Variants in NUFIP2 observed in about 807,000 individuals in gnomAD.
The protein encoded by NUFIP2 is FMR1-interacting protein NUFIP2.
A neutral mutation model predicts 56.9 loss-of-function variants in NUFIP2; 6 were observed. The observed-to-expected ratio is 0.11, with a 90% CI of 0.06 to 0.21. The LOEUF is 0.21. NUFIP2 is among the 10% of genes least tolerant of loss of function. NUFIP2 has a pLI of 1.00. For synonymous variants in NUFIP2, 321 were observed against 298.2 expected, an observed-to-expected ratio of 1.08 and a Z score of -0.79; for missense variants, 828 against 826.8, an observed-to-expected ratio of 1.00 and a Z score of -0.02.
Position 29,287,050 on chromosome 17 carries a change from A to C in NUFIP2, c.944T>G (p.Phe315Cys). 1.2e-6 allele frequency: 2 copies of C among 1,614,132 alleles called. No homozygotes were observed. Among genetic ancestry groups the C allele is most frequent in the Non-Finnish European group, 1.7e-6 (2 of 1,180,034 alleles). Reference sequence around the variant, plus strand: ...ATGCTTTCCTTTGGGCCGATCATCAAACTTTTTGCTGCTCACACCAGGTTT... The same window carrying C: ...ATGCTTTCCTTTGGGCCGATCATCACACTTTTTGCTGCTCACACCAGGTTT... The part of the protein sequence containing the change: ...DSKPGVSSKK[F>C]DDRPKGKHAS... Residue 315 changes from phenylalanine to cysteine, a missense_variant, in exon 2 of 4, where the codon TTT becomes TGT. Physicochemically the swap from Phe to Cys is radical, Grantham distance 205. This residue lies in a region of NUFIP2 where 415 missense variants were observed against 408.7 expected (regional missense o/e 1.02). Coordinates refer to ENST00000225388, the MANE Select transcript of NUFIP2 (RefSeq NM_020772.3).
chr17:29,262,195 C>T lies in NUFIP2; in HGVS notation c.*2344G>A, dbSNP rs890942244. The T allele has an allele frequency of 8.5e-5, 13 of 152,248 alleles. No homozygotes were observed. The highest frequency in any genetic ancestry group is 3.9e-4 in the Admixed American group (6 of 15,240). 9.4% of individuals were successfully genotyped at this position (152,248 alleles called of 1,614,324 possible). A position where few individuals can be genotyped will look rare whatever the true frequency, so the allele number is the denominator to read the frequency against. On this transcript the variant is annotated 3_prime_UTR_variant, in exon 4 of 4. Coordinates refer to ENST00000225388, the MANE Select transcript of NUFIP2 (RefSeq NM_020772.3). ...AGAAAGTTTCTTGTGAGTTGTGAGA[C>T]GGAAGAACTTTAAAATTCCAGGCAA... is the stretch of plus-strand genomic sequence containing the variant.
At chr17:29,279,863 G>A (rs1567679287) in intron 2 of NUFIP2, among the ~76,000 whole-genome samples, 1 of 152,084 alleles carries the variant, frequency 6.6e-6, no homozygotes, top group Admixed American at 6.6e-5. Flanking sequence ...CTCCTAGGCT[G>A]GATAGAGTGC....
chr17:29,292,954 G>A (rs911829145), intron 1 of NUFIP2, among the ~76,000 whole-genome samples: 25 of 148,072 alleles, frequency 1.7e-4, no homozygotes, highest in African/African-American at 6.2e-4. Flanking sequence ...GCGGCCGGTG[G>A]TGATCCCGGG....
Position 29,282,865 on chromosome 17 carries a change from TTA to T in NUFIP2, c.2002+3125_2002+3126del, listed in dbSNP as rs571282577. 1.3e-3 allele frequency among the ~76,000 whole-genome samples: 186 copies of T among 148,210 alleles called. 1 individual carries two copies. The highest frequency in any genetic ancestry group is 2.4e-3 in the Non-Finnish European group (160 of 67,240). On this transcript the variant is annotated intron_variant, in intron 2 of 3. Coordinates refer to ENST00000225388, the MANE Select transcript of NUFIP2 (RefSeq NM_020772.3). Reference sequence around the variant, plus strand: ...ATTATTACTTCTTTTAGAGTTAACTTTAAAAAAAAAAGGCTTCACTTATAAAA... The same window carrying T: ...ATTATTACTTCTTTTAGAGTTAACTTAAAAAAAAAGGCTTCACTTATAAAA...
chr17:29,284,719 AAAAAAAAAG>A (rs1245924833), intron 2 of NUFIP2, among the ~76,000 whole-genome samples: 7 of 150,748 alleles, frequency 4.6e-5, no homozygotes, highest in Non-Finnish European at 7.4e-5. Flanking sequence ...AAAAAAAAAA[AAAAAAAAAG>A]AAAAAAAAGA....
Position 29,262,249 on chromosome 17 carries a change from A to C in NUFIP2, c.*2290T>G, listed in dbSNP as rs1049791926. 2 of 152,622 alleles carry C rather than the reference A, an allele frequency of 1.3e-5. No homozygotes were observed. The highest frequency in any genetic ancestry group is 2.4e-5 in the African/African-American group (1 of 41,458). The allele number at this position is 152,622 out of a possible 1,614,324, so 9.5% of individuals were successfully genotyped here. The stretch of plus-strand genomic sequence containing the variant: ...AAATGGACATTTAAAAAAGGGGACT[A>C]GAGAGGGGAATCTGGCCCTAAGGCG... On this transcript the variant is annotated 3_prime_UTR_variant, in exon 4 of 4. Transcript: ENST00000225388.
rs1338280726 is a variant in NUFIP2, at chr17:29,286,693, G to A, written c.1301C>T (p.Pro434Leu). 1.2e-6 allele frequency: 2 copies of A among 1,614,024 alleles called. No individual in the cohort carries two copies. Among genetic ancestry groups the A allele is most frequent in the African/African-American group, 1.3e-5 (1 of 74,908 alleles). The change falls in exon 2 of 4, where the codon CCA (proline) becomes CTA (leucine). Residue 434 changes from proline to leucine, a missense_variant. By Grantham distance (98) the Pro-to-Leu change is moderately conservative. Around this residue, in one of 3 missense-constraint regions of NUFIP2, gnomAD observed 404 missense variants for 380.3 expected, o/e 1.06. Coordinates refer to ENST00000225388, the MANE Select transcript of NUFIP2 (RefSeq NM_020772.3). ...DGNVYPPGGQ[P>L]LLTTAANTLT... The stretch of plus-strand genomic sequence containing the variant: ...AGTATTAGCAGCAGTAGTTAGCAGT[G>A]GCTGACCCCCTGGAGGATAAACATT...
chr17:29,282,409 A>G (rs1369678361), intron 2 of NUFIP2, among the ~76,000 whole-genome samples: 2 of 151,826 alleles, frequency 1.3e-5, no homozygotes, highest in African/African-American at 4.8e-5. Context: ...TTAGCCAGGC[A>G]TGGTGGCGTG....
chr17:29,293,242 C>G (rs1391845561), intron 1 of NUFIP2, among the ~76,000 whole-genome samples: 2 of 151,622 alleles, frequency 1.3e-5, no homozygotes, highest in Non-Finnish European at 2.9e-5. Context: ...CAGCCCCCCC[C>G]ACCGAGACGG....
rs2068989559 is a variant in NUFIP2, at chr17:29,259,513, G to A, written c.*5026C>T. The A allele has an allele frequency of 6.6e-6, 1 of 150,678 alleles. No individual in the cohort carries two copies. Among genetic ancestry groups the A allele is most frequent in the South Asian group, 2.1e-4 (1 of 4,720 alleles). The allele number at this position is 150,678 out of a possible 1,614,324, so 9.3% of individuals were successfully genotyped here. A position where few individuals can be genotyped will look rare whatever the true frequency, so the allele number is the denominator to read the frequency against. On this transcript the variant is annotated 3_prime_UTR_variant, in exon 4 of 4. Coordinates refer to ENST00000225388, the MANE Select transcript of NUFIP2 (RefSeq NM_020772.3). ...GGGAATTGCTTGAACCAGGGAGGTG[G>A]AGGTTGCAGTGAGCCAAGATTGCGC...
At chr17:29,276,134 G>A (rs182239214) in intron 2 of NUFIP2, among the ~76,000 whole-genome samples, 12 of 151,936 alleles carry the variant, frequency 7.9e-5, no homozygotes, top group Non-Finnish European at 1.3e-4. Context: ...AATTGAATTT[G>A]TGTCTCCTAG....
chr17:29,273,959 C>T (rs933652736), intron 2 of NUFIP2, among the ~76,000 whole-genome samples: 5 of 151,978 alleles, frequency 3.3e-5, no homozygotes, highest in African/African-American at 1.2e-4. Flanking sequence ...AAATACTACT[C>T]ACCAGCTCAG....
At chr17:29,276,149 T>C (rs1598432392) in intron 2 of NUFIP2, among the ~76,000 whole-genome samples, 2 of 152,102 alleles carry the variant, frequency 1.3e-5, no homozygotes, top group East Asian at 3.9e-4. Context: ...TCCTAGCACT[T>C]GACACAATAG....
In NUFIP2 at chr17:29,264,536, C is replaced by A. The variant is rs773725068; in HGVS notation, c.*3G>T. ...AAAGGTTACGAATAGGCAGTCTGGT[C>A]CTTCATTGATCTGGACTATCCATGG... On this transcript the variant is annotated 3_prime_UTR_variant, in exon 4 of 4. Transcript: ENST00000225388. The A allele has an allele frequency of 3.7e-6, 6 of 1,604,300 alleles. No individual in the cohort carries two copies. In the African/African-American group the frequency reaches 6.7e-5, roughly 18 times the overall value.
chr17:29,285,419 C>T (rs897884078), intron 2 of NUFIP2, among the ~76,000 whole-genome samples: 3 of 151,830 alleles, frequency 2.0e-5, no homozygotes, highest in South Asian at 2.1e-4. Context: ...GGTGAAACCC[C>T]GTCTCTACTA....
At position 29,261,553 on chromosome 17, in the gene NUFIP2, G is replaced by A. The variant is rs1235333370; in HGVS notation, c.*2986C>T. 2 of 152,216 alleles carry A rather than the reference G, an allele frequency of 1.3e-5. No individual in the cohort carries two copies. Among genetic ancestry groups the A allele is most frequent in the Admixed American group, 6.5e-5 (1 of 15,270 alleles). 9.4% of individuals were successfully genotyped at this position (152,216 alleles called of 1,614,324 possible). On this transcript the variant is annotated 3_prime_UTR_variant, in exon 4 of 4. Transcript: ENST00000225388. The stretch of plus-strand genomic sequence containing the variant: ...AATTCTTTATACCAAACAATAACAC[G>A]TTATTTAAATGTGCTAAATTAATCA...
chr17:29,265,717 A>C (rs1303436280), intron 3 of NUFIP2, among the ~76,000 whole-genome samples: 1 of 147,036 alleles, frequency 6.8e-6, no homozygotes, highest in Non-Finnish European at 1.5e-5. Context: ...TGCTTAAAAA[A>C]AAAAAAAAAA....
intron 1 of NUFIP2, among the ~76,000 whole-genome samples, chr17:29,292,857 G>C (rs1022383835): frequency 2.1e-5 from 3 of 145,510 alleles, no homozygotes; most frequent in Non-Finnish European, 4.6e-5. Context: ...CGCCGCCACC[G>C]GGTTACACAA....
chr17:29,263,527 TAA>T lies in NUFIP2; in HGVS notation c.*1010_*1011del, dbSNP rs1026905994. ...CCCCTTTTAGATTTTGCTGAGAAAT[TAA>T]AAGATAATTTACAGAAAGGTCTAAG... is the stretch of plus-strand genomic sequence containing the variant. On this transcript the variant is annotated 3_prime_UTR_variant, in exon 4 of 4. Coordinates refer to ENST00000225388, the MANE Select transcript of NUFIP2 (RefSeq NM_020772.3). 1.1e-4 allele frequency: 17 copies of T among 152,684 alleles called. No individual in the cohort carries two copies. The highest frequency in any genetic ancestry group is 3.9e-4 in the African/African-American group (16 of 41,548). The allele number at this position is 152,684 out of a possible 1,614,324, so 9.5% of individuals were successfully genotyped here.
Sources: gnomAD v4.1 joint callset for allele counts (sites outside exome capture counted in the v4.1 genomes callset) on GRCh38, gnomAD v4.1.1 for gene constraint, gnomAD v4.1.1 regional missense constraint, MANE v1.5 for transcripts, NCBI Gene and HGNC (gene_info 2026-07-23, HGNC 2026-07-21) for gene names.